Variants in GALNT17 observed in about 807,000 individuals in gnomAD.
The protein encoded by GALNT17 is polypeptide N-acetylgalactosaminyltransferase 17.
Under a neutral mutation model 63.7 loss-of-function variants are expected in GALNT17, and 29 were observed. The ratio of observed to expected loss-of-function variants is 0.46; its 90% CI spans 0.34 to 0.62. GALNT17 has a LOEUF of 0.62. Among genes scored for constraint, GALNT17 ranks in the 20% least tolerant of loss-of-function variants. The pLI is 0.01. For synonymous variants in GALNT17, 305 were observed against 318.3 expected (o/e 0.96, Z 0.45); for missense variants, 603 against 799.6 (o/e 0.75, Z 2.97).
chr7:71,266,733 TC>T (rs1223505431), intron 1 of GALNT17, among the ~76,000 whole-genome samples: 4 of 152,070 alleles, frequency 2.6e-5, no homozygotes, highest in Non-Finnish European at 5.9e-5. Flanking sequence ...ATTGAACAAT[TC>T]AACTCTGCAA....
intron 5 of GALNT17, among the ~76,000 whole-genome samples, chr7:71,462,906 T>C (rs757694060): frequency 1.3e-5 from 2 of 152,224 alleles, no homozygotes; most frequent in African/African-American, 4.8e-5. Flanking sequence ...TCCTTTCACA[T>C]GGCTGTAATA....
chr7:71,506,385 G>A (rs1434256957), intron 5 of GALNT17, among the ~76,000 whole-genome samples: 1 of 151,988 alleles, frequency 6.6e-6, no homozygotes, highest in Non-Finnish European at 1.5e-5. Context: ...TCCTGCCTCA[G>A]CCTCCCGAGT....
intron 1 of GALNT17, among the ~76,000 whole-genome samples, chr7:71,297,974 C>T (rs73356056): frequency 0.019 from 2,922 of 152,260 alleles, 83 homozygotes; most frequent in African/African-American, 0.065. Context: ...GGTAGCTACA[C>T]AACAGATGTT....
chr7:71,160,734 C>T (rs867373680), intron 1 of GALNT17, among the ~76,000 whole-genome samples: 28 of 152,350 alleles, frequency 1.8e-4, no homozygotes, highest in Admixed American at 8.5e-4. Context: ...GTTGGGATTA[C>T]AGGCGTGAGC....
At chr7:71,374,123 T>A (rs1427508857) in intron 2 of GALNT17, among the ~76,000 whole-genome samples, 1 of 152,246 alleles carries the variant, frequency 6.6e-6, no homozygotes, top group Non-Finnish European at 1.5e-5. Flanking sequence ...CAGTGAAATA[T>A]AAAGGAGTAA....
At chr7:71,413,429 G>A (rs137939694) in intron 3 of GALNT17, among the ~76,000 whole-genome samples, 112 of 151,862 alleles carry the variant, frequency 7.4e-4, no homozygotes, top group African/African-American at 2.1e-3. Flanking sequence ...GCAGTGGTGC[G>A]ATCTCGCCTC....
intron 1 of GALNT17, among the ~76,000 whole-genome samples, chr7:71,249,555 T>G (rs1790159434): frequency 6.6e-6 from 1 of 152,254 alleles, no homozygotes; most frequent in Non-Finnish European, 1.5e-5. Context: ...GTTTATTTAA[T>G]AGCATAGGAA....
At chr7:71,642,850 C>T (rs1336217854) in intron 6 of GALNT17, among the ~76,000 whole-genome samples, 2 of 151,700 alleles carry the variant, frequency 1.3e-5, no homozygotes, top group Non-Finnish European at 2.9e-5. Flanking sequence ...AAAAAATGAA[C>T]CTCTTCTAGA....
intron 6 of GALNT17, among the ~76,000 whole-genome samples, chr7:71,645,404 A>G (rs1790660795): frequency 6.6e-6 from 1 of 152,102 alleles, no homozygotes; most frequent in African/African-American, 2.4e-5. Context: ...TGATGGTTTT[A>G]TAAGTGTTTG....
chr7:71,321,872 TTCCTTCCTTCC>T (rs1563000991), intron 1 of GALNT17, among the ~76,000 whole-genome samples: 3 of 40,578 alleles, frequency 7.4e-5, no homozygotes, highest in Non-Finnish European at 1.4e-4. Context: ...CTTCCTTTCC[TTCCTTCCTTCC>T]TTCCTTCCTT....
At chr7:71,606,707 A>G (rs192815582) in intron 6 of GALNT17, among the ~76,000 whole-genome samples, 182 of 152,262 alleles carry the variant, frequency 1.2e-3, no homozygotes, top group African/African-American at 3.5e-3. Flanking sequence ...CGTTGGGTTT[A>G]CTTCTGTCAG....
At chr7:71,627,814 A>G (rs767939471) in intron 6 of GALNT17, among the ~76,000 whole-genome samples, 3 of 152,104 alleles carry the variant, frequency 2.0e-5, no homozygotes, top group African/African-American at 7.2e-5. Context: ...CCCCCGCCCC[A>G]TAGACTTGTA....
At chr7:71,437,277 C>G (rs1309794343) in intron 5 of GALNT17, among the ~76,000 whole-genome samples, 1 of 152,186 alleles carries the variant, frequency 6.6e-6, no homozygotes, top group African/African-American at 2.4e-5. Context: ...GCCAAACTAC[C>G]TAAAGTTATG....
chr7:71,646,693 C>T (rs1366521263), intron 6 of GALNT17, among the ~76,000 whole-genome samples: 1 of 151,510 alleles, frequency 6.6e-6, no homozygotes, highest in African/African-American at 2.4e-5. Context: ...GAGTTGCCTC[C>T]TGCCACAGAC....
At chr7:71,241,840 G>A (rs1790002537) in intron 1 of GALNT17, among the ~76,000 whole-genome samples, 1 of 152,148 alleles carries the variant, frequency 6.6e-6, no homozygotes. Context: ...AGTGAGCCAT[G>A]ATCACGCCCC....
At chr7:71,169,384 T>G (rs1233864912) in intron 1 of GALNT17, among the ~76,000 whole-genome samples, 2 of 152,138 alleles carry the variant, frequency 1.3e-5, no homozygotes, top group Non-Finnish European at 2.9e-5. Flanking sequence ...GGGATAACTG[T>G]GCTTTGTGGC....
chr7:71,413,196 G>A (rs73362101), intron 3 of GALNT17, among the ~76,000 whole-genome samples: 6,945 of 152,160 alleles, frequency 0.046, 567 homozygotes, highest in African/African-American at 0.16. Context: ...GAGAGCTCAC[G>A]TCCAGATCTG....
At chr7:71,465,253 G>T (rs1787516226) in intron 5 of GALNT17, among the ~76,000 whole-genome samples, 1 of 152,134 alleles carries the variant, frequency 6.6e-6, no homozygotes, top group South Asian at 2.1e-4. Flanking sequence ...CTAATTTTGG[G>T]AAGGGACTAC....
At chr7:71,446,955 A>G (rs901828529) in intron 5 of GALNT17, among the ~76,000 whole-genome samples, 9 of 152,144 alleles carry the variant, frequency 5.9e-5, no homozygotes, top group South Asian at 4.1e-4. Flanking sequence ...GACTTTGACT[A>G]TGGGAGACAA....
Sources: gnomAD v4.1 joint callset for allele counts (sites outside exome capture counted in the v4.1 genomes callset) on GRCh38, gnomAD v4.1.1 for gene constraint, MANE v1.5 for transcripts, NCBI Gene and HGNC (gene_info 2026-07-23, HGNC 2026-07-21) for gene names.